Variants in MYO1H observed in about 807,000 individuals in gnomAD.
MYO1H encodes myosin IH.
Under a neutral mutation model 149.3 loss-of-function variants are expected in MYO1H, and 118 were observed. That is an observed-to-expected ratio of 0.79 (90% CI 0.68 to 0.92). The LOEUF is 0.92. Ranked by LOEUF, MYO1H falls within the 40% of genes least tolerant of loss-of-function variation. The probability of loss-of-function intolerance (pLI) is 0.00; values close to 1 mark genes in which losing one functional copy is unlikely to be tolerated. For synonymous variants in MYO1H, 447 were observed against 465.2 expected (o/e 0.96, Z 0.50); for missense variants, 1,212 against 1,280.7 (o/e 0.95, Z 0.82).
chr12:109,446,562 G>C (rs7959663), intron 31 of MYO1H: 139,975 of 579,488 alleles, frequency 0.24, 16,842 homozygotes, highest in Middle Eastern at 0.26. Flanking sequence ...TCAGGAGTTC[G>C]AGACCAGTCT....
the MYO1H span, among the ~76,000 whole-genome samples, chr12:109,318,212 A>G: frequency 6.6e-6 from 1 of 152,252 alleles, no homozygotes; most frequent in Non-Finnish European, 1.5e-5. Context: ...AGAAGTAACA[A>G]ATATTTCTTA....
the MYO1H span, among the ~76,000 whole-genome samples, chr12:109,318,698 AAAAC>A: frequency 6.6e-6 from 1 of 152,218 alleles, no homozygotes; most frequent in East Asian, 1.9e-4. Flanking sequence ...AAGGTCATGA[AAAAC>A]AAGGAAGCAG....
chr12:109,423,003 G>A (rs1871237308), intron 16 of MYO1H, among the ~76,000 whole-genome samples: 1 of 152,022 alleles, frequency 6.6e-6, no homozygotes, highest in African/African-American at 2.4e-5. Context: ...GATTGCTTGA[G>A]CCCAGGAGGT....
the MYO1H span, among the ~76,000 whole-genome samples, chr12:109,318,054 A>C: frequency 6.6e-6 from 1 of 152,352 alleles, no homozygotes; most frequent in South Asian, 2.1e-4. Context: ...TAAAACGTAC[A>C]TTAAAGTATC....
chr12:109,406,840 A>C (rs1445272057), exon 9 of MYO1H: 1 of 1,613,850 alleles, frequency 6.2e-7, no homozygotes, highest in East Asian at 2.2e-5. Context: ...CCACAGAAAA[A>C]TTGAAGCCAA....
At chr12:109,402,823 G>T (rs949610059) in intron 6 of MYO1H, among the ~76,000 whole-genome samples, 12 of 152,132 alleles carry the variant, frequency 7.9e-5, no homozygotes, top group African/African-American at 2.9e-4. Context: ...GGGTCAATTT[G>T]TAAAAATATT....
chr12:109,347,758 G>T, upstream of MYO1H: 2 of 390,190 alleles, frequency 5.1e-6, no homozygotes, highest in Non-Finnish European at 9.0e-6. Context: ...GGAGCAGCCC[G>T]GTGTGCCTAC....
chr12:109,433,729 G>A (rs1324156246), intron 20 of MYO1H, among the ~76,000 whole-genome samples: 1 of 151,454 alleles, frequency 6.6e-6, no homozygotes, highest in Non-Finnish European at 1.5e-5. Flanking sequence ...CTCCTATTCT[G>A]GGCCTGTTCC....
the MYO1H span, among the ~76,000 whole-genome samples, chr12:109,318,022 A>G: frequency 2.0e-5 from 3 of 152,314 alleles, no homozygotes; most frequent in East Asian, 5.8e-4. Flanking sequence ...TATTCCCTGG[A>G]AAAAGTCTGT....
At chr12:109,327,344 AG>A in the MYO1H span, among the ~76,000 whole-genome samples, 2 of 151,220 alleles carry the variant, frequency 1.3e-5, no homozygotes, top group African/African-American at 2.4e-5. Flanking sequence ...CATCTTGGCC[AG>A]GCTGGTCTTG....
chr12:109,447,206 C>T (rs1416226704), exon 32 of MYO1H: 32 of 1,585,750 alleles, frequency 2.0e-5, no homozygotes, highest in Non-Finnish European at 2.4e-5. Flanking sequence ...CTGACCTCTA[C>T]CATCGCCATT....
chr12:109,433,041 C>T, intron 20 of MYO1H, 31 bp downstream of exon 20: 5 of 1,531,814 alleles, frequency 3.3e-6, no homozygotes, highest in Non-Finnish European at 4.5e-6. Context: ...CAAATGGTCT[C>T]TTCCCTTGAC....
In MYO1H at chr12:109,397,487, A is replaced by G. The variant is rs1026641393; in HGVS notation, c.490-245A>G. 4.6e-5 allele frequency among the ~76,000 whole-genome samples: 7 copies of G among 152,206 alleles called. No homozygotes were observed. The South Asian group carries it at 1.2e-3, about 27-fold the overall frequency. On this transcript the variant is annotated intron_variant, in intron 4 of 31. Transcript: ENST00000310903. The stretch of plus-strand genomic sequence containing the variant: ...TGTACCCCTCCTGAGACCATTTCCA[A>G]TATATTCCTAATTGGATTCTAGGAA...
chr12:109,383,897 G>T (rs114598005), intron 1 of MYO1H, among the ~76,000 whole-genome samples: 1 of 152,296 alleles, frequency 6.6e-6, no homozygotes, highest in African/African-American at 2.4e-5. Context: ...TCATCACTGA[G>T]TACATGATAC....
chr12:109,393,349 CT>C lies in MYO1H; in HGVS notation c.195del (p.Val66CysfsTer3). On this transcript the variant is annotated frameshift_variant, in exon 3 of 32. Transcript: ENST00000310903. LOFTEE classifies it high-confidence loss of function. The stretch of plus-strand genomic sequence containing the variant: ...TCTCTAGACATATATTGGCACCCTC[CT>C]TGTGTCTGTGAATCCATACCAGGAG... 1 of 1,578,924 alleles carries C rather than the reference CT, an allele frequency of 6.3e-7. No homozygotes were observed. Among genetic ancestry groups the C allele is most frequent in the Non-Finnish European group, 8.6e-7 (1 of 1,161,024 alleles).
the MYO1H span, among the ~76,000 whole-genome samples, chr12:109,338,438 A>T: frequency 6.6e-6 from 1 of 152,084 alleles, no homozygotes; most frequent in Non-Finnish European, 1.5e-5. Context: ...TCACATTTCC[A>T]GTCTGACCTC....
At chr12:109,418,294 T>C (rs1388199525) in intron 15 of MYO1H, among the ~76,000 whole-genome samples, 1 of 152,144 alleles carries the variant, frequency 6.6e-6, no homozygotes, top group Admixed American at 6.6e-5. Context: ...AGTCTAATTG[T>C]TCTTCATTTT....
the MYO1H span, among the ~76,000 whole-genome samples, chr12:109,339,303 T>C: frequency 6.6e-6 from 1 of 152,082 alleles, no homozygotes; most frequent in Non-Finnish European, 1.5e-5. Flanking sequence ...AGGTGGAGGT[T>C]GCAATGAGCC....
At chr12:109,410,756 C>T (rs2135560218) in exon 13 of MYO1H, 2 of 1,583,218 alleles carry the variant, frequency 1.3e-6, no homozygotes, top group East Asian at 2.2e-5. Flanking sequence ...ATAAAGGAAT[C>T]ATATCTATTC....
Sources: allele counts gnomAD v4.1 joint callset (sites outside exome capture counted in the v4.1 genomes callset), GRCh38; gene constraint gnomAD v4.1.1; transcripts MANE v1.5; gene names NCBI Gene and HGNC (gene_info 2026-07-23, HGNC 2026-07-21).